EGFLAM: variants seen among roughly 807,000 people sequenced by gnomAD.
The protein encoded by EGFLAM is pikachurin.
Under a neutral mutation model 113.1 loss-of-function variants are expected in EGFLAM, and 79 were observed. The observed-to-expected ratio is 0.70, with a 90% CI of 0.58 to 0.84. EGFLAM has a LOEUF of 0.84. Among genes scored for constraint, EGFLAM ranks in the 40% least tolerant of loss-of-function variants. The probability of loss-of-function intolerance (pLI) is 0.00; values close to 1 mark genes in which losing one functional copy is unlikely to be tolerated. For synonymous variants in EGFLAM, 504 were observed against 487.6 expected (o/e 1.03, Z -0.44); for missense variants, 1,265 against 1,291.6 (o/e 0.98, Z 0.32).
intron 18 of EGFLAM, among the ~76,000 whole-genome samples, chr5:38,449,548 G>A (rs1013683186): frequency 1.3e-5 from 2 of 152,156 alleles, no homozygotes; most frequent in African/African-American, 2.4e-5. Context: ...CAGTCTCTGG[G>A]GGTTAGTGAG....
intron 6 of EGFLAM, among the ~76,000 whole-genome samples, chr5:38,389,179 G>C (rs368755578): frequency 6.6e-6 from 1 of 152,014 alleles, no homozygotes; most frequent in Non-Finnish European, 1.5e-5. Context: ...AGGGATGATC[G>C]AACTTGACAG....
rs1414267752 is a variant in EGFLAM at position 38,407,009 on chromosome 5, C to T, written c.1010C>T (p.Ala337Val). Reference protein sequence around the residue: ...PIQRKGKNGVAIMSRLFDMPC... With the variant: ...PIQRKGKNGVVIMSRLFDMPC... ...CAGAGAAAGGGGAAGAATGGTGTGGCCATAATGTCAAGGCTCTTTGACATG... is the reference window on the plus strand; with the variant it reads ...CAGAGAAAGGGGAAGAATGGTGTGGTCATAATGTCAAGGCTCTTTGACATG... The change falls in exon 8 of 22, where the codon GCC (alanine) becomes GTC (valine). Residue 337 changes from alanine (A) to valine (V), a missense_variant. Ala to Val is a moderately conservative substitution (Grantham distance 64, BLOSUM62 0). Transcript: ENST00000322350. The T allele has an allele frequency of 6.2e-7, 1 of 1,614,052 alleles. No individual in the cohort carries two copies. Among genetic ancestry groups the T allele is most frequent in the Non-Finnish European group, 8.5e-7 (1 of 1,180,036 alleles).
At chr5:38,276,988 A>G (rs1176318384) in intron 1 of EGFLAM, among the ~76,000 whole-genome samples, 7 of 152,230 alleles carry the variant, frequency 4.6e-5, no homozygotes, top group Non-Finnish European at 8.8e-5. Context: ...ATACATTTAA[A>G]GAAGAACTAA....
At chr5:38,356,938 G>T (rs1165597413) in intron 5 of EGFLAM, among the ~76,000 whole-genome samples, 3 of 152,158 alleles carry the variant, frequency 2.0e-5, no homozygotes, top group African/African-American at 4.8e-5. Context: ...TTAGGATGAG[G>T]TCTTTGGAAC....
chr5:38,425,352 A>C (rs1741967041), intron 13 of EGFLAM, among the ~76,000 whole-genome samples: 1 of 152,084 alleles, frequency 6.6e-6, no homozygotes, highest in Non-Finnish European at 1.5e-5. Context: ...TTTTTAGTAG[A>C]GATGGGATTT....
At position 38,352,241 on chromosome 5, in the gene EGFLAM, T is replaced by C; in HGVS notation, c.455T>C (p.Val152Ala). Reference protein sequence around the residue: ...PAAPQQPHVIVVSDSEVALSW... With the variant: ...PAAPQQPHVIAVSDSEVALSW... ...GCTCCCCAGCAGCCACATGTCATTG[T>C]GGTTTCGGATTCTGAGGTGGCCCTG... The change falls in exon 5 of 22, where the codon GTG (valine) becomes GCG (alanine). Residue 152 changes from valine (V) to alanine (A), a missense_variant. Val to Ala is a moderately conservative substitution (Grantham distance 64). Transcript: ENST00000322350. 6.2e-7 allele frequency: 1 copy of C among 1,614,162 alleles called. No homozygotes were observed. Among genetic ancestry groups the C allele is most frequent in the Non-Finnish European group, 8.5e-7 (1 of 1,180,020 alleles).
intron 18 of EGFLAM, among the ~76,000 whole-genome samples, chr5:38,450,358 T>G (rs912716468): frequency 3.3e-5 from 5 of 152,130 alleles, no homozygotes; most frequent in African/African-American, 1.2e-4. Flanking sequence ...AATGCAAACT[T>G]GGTCTCTTCC....
intron 1 of EGFLAM, among the ~76,000 whole-genome samples, chr5:38,308,968 C>T (rs1267538187): frequency 7.9e-5 from 12 of 152,280 alleles, no homozygotes; most frequent in Non-Finnish European, 7.3e-5. Context: ...GAATTAGGAA[C>T]ACTGGTGTAC....
intron 1 of EGFLAM, among the ~76,000 whole-genome samples, chr5:38,302,327 A>G (rs550620216): frequency 1.3e-5 from 2 of 152,182 alleles, no homozygotes; most frequent in South Asian, 4.2e-4. Context: ...TGAGGATAAT[A>G]ATGACAAACA....
In EGFLAM at chr5:38,352,218, T is replaced by C; in HGVS notation, c.432T>C (p.Ala144=). 6.2e-7 allele frequency: 1 copy of C among 1,614,056 alleles called. No homozygotes were observed. Among genetic ancestry groups the C allele is most frequent in the Non-Finnish European group, 8.5e-7 (1 of 1,179,978 alleles). ...LSQDSCLPPA[A]PQQPHVIVVS... Reference sequence around the variant, plus strand: ...TAGATTCCTGCCTGCCTCCTGCAGCTCCCCAGCAGCCACATGTCATTGTGG... The same window carrying C: ...TAGATTCCTGCCTGCCTCCTGCAGCCCCCCAGCAGCCACATGTCATTGTGG... Residue 144 remains alanine (A), a synonymous_variant, in exon 5 of 22, where the codon GCT becomes GCC. Transcript: ENST00000322350.
intron 1 of EGFLAM, among the ~76,000 whole-genome samples, chr5:38,291,636 A>G (rs759722759): frequency 2.0e-5 from 3 of 152,252 alleles, no homozygotes; most frequent in Non-Finnish European, 4.4e-5. Flanking sequence ...TTCTGATGAC[A>G]TGACAAAGAG....
chr5:38,415,864 G>A (rs56064809), intron 11 of EGFLAM, among the ~76,000 whole-genome samples: 23,132 of 151,920 alleles, frequency 0.15, 1,855 homozygotes, highest in East Asian at 0.24. Context: ...AGAAGTGCTG[G>A]GCAAACGGGG....
chr5:38,331,334 A>G (rs1739035999), intron 1 of EGFLAM, among the ~76,000 whole-genome samples: 1 of 152,220 alleles, frequency 6.6e-6, no homozygotes, highest in South Asian at 2.1e-4. Flanking sequence ...TATGACATGT[A>G]TCTACCATTA....
intron 9 of EGFLAM, among the ~76,000 whole-genome samples, chr5:38,408,198 T>C (rs1046346798): frequency 6.6e-6 from 1 of 152,226 alleles, no homozygotes; most frequent in Non-Finnish European, 1.5e-5. Flanking sequence ...TTGTTCACAA[T>C]AGTGATTTCT....
At chr5:38,365,117 G>T (rs1315628432) in intron 5 of EGFLAM, among the ~76,000 whole-genome samples, 2 of 152,142 alleles carry the variant, frequency 1.3e-5, no homozygotes, top group Non-Finnish European at 2.9e-5. Flanking sequence ...TTCCTAGCAG[G>T]ATTTAACCAG....
intron 1 of EGFLAM, among the ~76,000 whole-genome samples, chr5:38,318,296 C>T (rs1314944998): frequency 6.6e-6 from 1 of 150,608 alleles, no homozygotes; most frequent in East Asian, 2.0e-4. Flanking sequence ...GTATACTGTA[C>T]TAACTATAGA....
intron 9 of EGFLAM, among the ~76,000 whole-genome samples, chr5:38,408,647 A>G (rs1325818383): frequency 1.3e-5 from 2 of 152,204 alleles, no homozygotes; most frequent in Non-Finnish European, 2.9e-5. Flanking sequence ...GAACAAAGTG[A>G]AAATAGAATT....
chr5:38,321,746 C>T (rs927714248), intron 1 of EGFLAM, among the ~76,000 whole-genome samples: 4 of 152,170 alleles, frequency 2.6e-5, no homozygotes, highest in East Asian at 1.9e-4. Context: ...AAGAATCCGT[C>T]GTGAGATCCA....
chr5:38,337,017 TAGATAG>T (rs1739205019), intron 1 of EGFLAM, among the ~76,000 whole-genome samples: 1 of 152,246 alleles, frequency 6.6e-6, no homozygotes, highest in African/African-American at 2.4e-5. Context: ...TTACTTAAGA[TAGATAG>T]TAAAGCATTT....
Sources: gnomAD v4.1 joint callset for allele counts (sites outside exome capture counted in the v4.1 genomes callset) on GRCh38, gnomAD v4.1.1 for gene constraint, MANE v1.5 for transcripts, NCBI Gene and HGNC (gene_info 2026-07-23, HGNC 2026-07-21) for gene names.